The following HIVEP1 variants were observed in gnomAD, a reference collection of about 807,000 sequenced individuals.
HIVEP1 encodes zinc finger protein 40.
HIVEP1 carries 36 observed loss-of-function variants against 180.0 expected under a neutral mutation model. The observed-to-expected ratio is 0.20, with a 90% CI of 0.15 to 0.26. The LOEUF (loss-of-function observed/expected upper bound fraction) is 0.26. Among genes scored for constraint, HIVEP1 ranks in the 10% least tolerant of loss-of-function variants. The probability of loss-of-function intolerance (pLI) is 1.00; values close to 1 mark genes in which losing one functional copy is unlikely to be tolerated. For missense variants in HIVEP1, 3,143 were observed against 3,268.7 expected (o/e 0.96, Z 0.94); for synonymous variants, 1,239 against 1,239.0 (o/e 1.00, Z 0.00).
intron 7 of HIVEP1, among the ~76,000 whole-genome samples, chr6:12,148,963 T>C (rs1266853667): frequency 6.6e-6 from 1 of 152,192 alleles, no homozygotes; most frequent in Non-Finnish European, 1.5e-5. Context: ...AATATAGTGC[T>C]GAAAGAAAAA....
At chr6:12,145,483 C>A (rs942170670) in intron 7 of HIVEP1, among the ~76,000 whole-genome samples, 1 of 148,144 alleles carries the variant, frequency 6.8e-6, no homozygotes, top group African/African-American at 2.5e-5. Context: ...CAAACCTGCA[C>A]GTTGTGCATA....
downstream of HIVEP1, among the ~76,000 whole-genome samples, chr6:12,169,924 T>C (rs1047323650): frequency 1.3e-5 from 2 of 151,914 alleles, no homozygotes; most frequent in Non-Finnish European, 2.9e-5. Flanking sequence ...ATAGAGACCA[T>C]CCTGGCTAAC....
At position 12,156,542 on chromosome 6, in the gene HIVEP1, G is replaced by A. The variant is rs147717364; in HGVS notation, c.6488-4897G>A. On this transcript the variant is annotated intron_variant, in intron 7 of 8. Transcript: ENST00000379388. ...TTTGTTGAAGATCAGATGGTTGCTG[G>A]TGTGCAGTCTTATTTCTGAGTTCTC... is the stretch of plus-strand genomic sequence containing the variant. Among the ~76,000 whole-genome samples the A allele has an allele frequency of 3.7e-3, 568 of 152,178 alleles. 6 individuals carry two copies. Among genetic ancestry groups the A allele is most frequent in the African/African-American group, 0.013 (544 of 41,532 alleles).
chr6:12,051,401 A>C (rs1296777722), intron 2 of HIVEP1, among the ~76,000 whole-genome samples: 3 of 152,146 alleles, frequency 2.0e-5, no homozygotes, highest in Non-Finnish European at 2.9e-5. Flanking sequence ...ACATGACTCC[A>C]AAGTAGCATC....
chr6:12,168,239 A>AC (rs766873802), downstream of HIVEP1, among the ~76,000 whole-genome samples: 61 of 121,080 alleles, frequency 5.0e-4, 3 homozygotes, highest in South Asian at 0.016. Flanking sequence ...ATACATATAT[A>AC]TTATATATAC....
At chr6:12,184,708 C>A in the HIVEP1 span, among the ~76,000 whole-genome samples, 5 of 151,768 alleles carry the variant, frequency 3.3e-5, no homozygotes, top group African/African-American at 7.3e-5. Context: ...CAGTTAGAAT[C>A]GAAAAAAATC....
intron 2 of HIVEP1, among the ~76,000 whole-genome samples, chr6:12,076,203 C>T (rs1443976358): frequency 6.6e-6 from 1 of 152,084 alleles, no homozygotes; most frequent in Non-Finnish European, 1.5e-5. Flanking sequence ...TTTAGATATT[C>T]TTTCAATATC....
intron 2 of HIVEP1, among the ~76,000 whole-genome samples, chr6:12,018,117 G>A (rs568420977): frequency 2.0e-5 from 3 of 152,346 alleles, no homozygotes; most frequent in Admixed American, 6.5e-5. Context: ...CCAGTGGGCC[G>A]GCACTGCTGG....
chr6:12,111,538 T>C (rs542464888), intron 3 of HIVEP1, among the ~76,000 whole-genome samples: 1 of 152,376 alleles, frequency 6.6e-6, no homozygotes, highest in Non-Finnish European at 1.5e-5. Flanking sequence ...AATTTAGTCC[T>C]GTAGCTGTAG....
rs1309006654 is a variant in HIVEP1 at position 12,122,675 on chromosome 6, G to A, written c.2880G>A (p.Glu960=). The change falls in exon 4 of 9, where the codon GAG becomes GAA. Residue 960 remains glutamate (E), a synonymous_variant. Coordinates refer to ENST00000379388, the MANE Select transcript of HIVEP1 (RefSeq NM_002114.4). ...KSHQGRGTMF[E]CETCRNRYRK... The stretch of plus-strand genomic sequence containing the variant: ...ATCAAGGGCGAGGGACAATGTTTGA[G>A]TGTGAAACTTGTAGAAACAGGTATA... 1 of 1,614,080 alleles carries A rather than the reference G, an allele frequency of 6.2e-7. No individual in the cohort carries two copies. Among genetic ancestry groups the A allele is most frequent in the African/African-American group, 1.3e-5 (1 of 74,922 alleles).
chr6:12,176,682 GT>G, the HIVEP1 span, among the ~76,000 whole-genome samples: 5,705 of 151,144 alleles, frequency 0.038, 108 homozygotes, highest in Non-Finnish European at 0.045. Flanking sequence ...ACAAAGCATT[GT>G]TTTTTTTTCT....
intron 2 of HIVEP1, among the ~76,000 whole-genome samples, chr6:12,033,815 C>T (rs1769109606): frequency 6.6e-6 from 1 of 152,230 alleles, no homozygotes; most frequent in South Asian, 2.1e-4. Context: ...ACCTTCTTGT[C>T]TCCTGAAGAG....
At chr6:12,016,641 C>T (rs1472538383) in intron 2 of HIVEP1, among the ~76,000 whole-genome samples, 1 of 152,210 alleles carries the variant, frequency 6.6e-6, no homozygotes, top group Admixed American at 6.5e-5. Context: ...GTCTAGAAAT[C>T]TCTGTTGCCT....
upstream of HIVEP1, among the ~76,000 whole-genome samples, chr6:12,009,945 A>T (rs118079165): frequency 1.6e-4 from 24 of 152,362 alleles, no homozygotes; most frequent in East Asian, 4.6e-3. Context: ...TGTTGTGCTC[A>T]ACAATTATTG....
At position 12,122,432 on chromosome 6, in the gene HIVEP1, T is replaced by C; in HGVS notation, c.2637T>C (p.Phe879=). Residue 879 remains phenylalanine, a synonymous_variant, in exon 4 of 9, where the codon TTT becomes TTC. Transcript: ENST00000379388. ...DKIGAFYDDV[F]VSGPNAPVPQ... ...TTGGCGCTTTCTATGATGATGTCTT[T>C]GTATCGGGACCTAACGCTCCTGTGC... 1 of 1,614,228 alleles carries C rather than the reference T, an allele frequency of 6.2e-7. No individual in the cohort carries two copies. The highest frequency in any genetic ancestry group is 8.5e-7 in the Non-Finnish European group (1 of 1,180,036).
chr6:12,078,939 C>T (rs528260879), intron 2 of HIVEP1, among the ~76,000 whole-genome samples: 3 of 151,982 alleles, frequency 2.0e-5, no homozygotes, highest in South Asian at 2.1e-4. Context: ...CGTGTGTGTG[C>T]GTGCGTGTAT....
rs547944274 is a variant in HIVEP1 at position 12,140,892 on chromosome 6, A to G, written c.6487+5000A>G. Among the ~76,000 whole-genome samples, 16 of 152,336 alleles carry G rather than the reference A, an allele frequency of 1.1e-4. No individual in the cohort carries two copies. In the South Asian group the frequency reaches 3.3e-3, roughly 32 times the overall value. On this transcript the variant is annotated intron_variant, in intron 7 of 8. Transcript: ENST00000379388. ...TGTGAAAAAACCAAATCTACATTTG[A>G]TTGGTGTACCTGAAAGTGACGGGGA... is the stretch of plus-strand genomic sequence containing the variant.
chr6:12,161,964 T>C (rs777894113), intron 8 of HIVEP1, 35 bp downstream of exon 8: 1 of 1,557,900 alleles, frequency 6.4e-7, no homozygotes. Context: ...TATTTCTTTT[T>C]TCGTTTTAAC....
At chr6:12,126,999 AG>A (rs1192227085) in intron 4 of HIVEP1, among the ~76,000 whole-genome samples, 1 of 151,996 alleles carries the variant, frequency 6.6e-6, no homozygotes, top group Non-Finnish European at 1.5e-5. Flanking sequence ...CTGGGATTAC[AG>A]GTGCCCACCA....
Sources: allele counts gnomAD v4.1 joint callset (sites outside exome capture counted in the v4.1 genomes callset), GRCh38; gene constraint gnomAD v4.1.1; transcripts MANE v1.5; gene names NCBI Gene and HGNC (gene_info 2026-07-23, HGNC 2026-07-21).